AGO2: variants seen among roughly 807,000 people sequenced by gnomAD.
AGO2 encodes protein argonaute-2.
In AGO2, 5 loss-of-function variants were observed where a neutral mutation model predicts 102.3. That is an observed-to-expected ratio of 0.05 (90% CI 0.03 to 0.10). The LOEUF (loss-of-function observed/expected upper bound fraction) is 0.10, where lower values mean the gene tolerates loss of function less well. Ranked by LOEUF, AGO2 falls within the 10% of genes least tolerant of loss-of-function variation. The pLI is 1.00. For missense variants in AGO2, 541 were observed against 1,183.7 expected (o/e 0.46, Z 7.97); for synonymous variants, 449 against 473.1 (o/e 0.95, Z 0.66).
intron 11 of AGO2, among the ~76,000 whole-genome samples, chr8:140,550,190 G>A (rs779100913): frequency 2.0e-5 from 3 of 152,184 alleles, no homozygotes; most frequent in Non-Finnish European, 2.9e-5. Context: ...GCCTCAGAAG[G>A]ACAGATGGCC....
upstream of AGO2, among the ~76,000 whole-genome samples, chr8:140,640,289 C>T (rs899136252): frequency 1.2e-4 from 19 of 152,150 alleles, no homozygotes; most frequent in South Asian, 6.2e-4. Flanking sequence ...GGATTACAGG[C>T]GTGAGCCACC....
At chr8:140,564,108 C>T (rs1200703408) in intron 3 of AGO2, among the ~76,000 whole-genome samples, 2 of 152,226 alleles carry the variant, frequency 1.3e-5, no homozygotes, top group Non-Finnish European at 2.9e-5. Flanking sequence ...GAAAAAGGAT[C>T]GAATCCTTCC....
intron 1 of AGO2, among the ~76,000 whole-genome samples, chr8:140,619,838 G>C (rs1226638730): frequency 6.6e-6 from 1 of 152,192 alleles, no homozygotes. Flanking sequence ...AACCCTGCTG[G>C]GGTGGATGTG....
chr8:140,539,058 G>T lies in AGO2; in HGVS notation c.2169+262C>A, dbSNP rs796915417. Among the ~76,000 whole-genome samples the T allele has an allele frequency of 6.6e-6, 1 of 152,136 alleles. No individual in the cohort carries two copies. Among genetic ancestry groups the T allele is most frequent in the Non-Finnish European group, 1.5e-5 (1 of 68,036 alleles). Reference sequence around the variant, plus strand: ...ATAGAGGCTGCAGTAAGCTATGATCGCACCACTGCACTCTAGCCTGGGTGA... The same window carrying T: ...ATAGAGGCTGCAGTAAGCTATGATCTCACCACTGCACTCTAGCCTGGGTGA... On this transcript the variant is annotated intron_variant, in intron 16 of 18. Coordinates refer to ENST00000220592, the MANE Select transcript of AGO2 (RefSeq NM_012154.5). The surrounding 1 kb of genome is among the most constrained non-coding windows in gnomAD (Gnocchi z 4.7).
At chr8:140,587,418 C>T (rs968427451) in intron 1 of AGO2, among the ~76,000 whole-genome samples, 1 of 152,358 alleles carries the variant, frequency 6.6e-6, no homozygotes, top group Non-Finnish European at 1.5e-5. Flanking sequence ...TCCACCTTCC[C>T]GTACCTTCAG....
Position 140,585,107 on chromosome 8 carries a change from G to A in AGO2, c.215+12C>T, listed in dbSNP as rs1477066232. 6.2e-7 allele frequency: 1 copy of A among 1,611,866 alleles called. No homozygotes were observed. Among genetic ancestry groups the A allele is most frequent in the South Asian group, 1.1e-5 (1 of 90,832 alleles). On this transcript the variant is annotated intron_variant, in intron 2 of 18. Transcript: ENST00000220592. ...ACCACTTACACAGGTCATGAAGGAT[G>A]AAACGTAATACCTGTTAACTCTCCT... is the stretch of plus-strand genomic sequence containing the variant.
Position 140,557,095 on chromosome 8 carries a change from G to A in AGO2, c.1020C>T (p.Pro340=). 1.9e-6 allele frequency: 3 copies of A among 1,612,694 alleles called. No homozygotes were observed. The highest frequency in any genetic ancestry group is 2.5e-6 in the Non-Finnish European group (3 of 1,179,190). The change falls in exon 8 of 19, where the codon CCC becomes CCT. Residue 340 remains proline (P), a synonymous_variant. Transcript: ENST00000220592. The surrounding 1 kb of genome is among the most constrained non-coding windows in gnomAD (Gnocchi z 5.9). Reference sequence around the variant, plus strand: ...CAGGAAGAGGGTGACTTGCCTCCAGGGGAAGGTAGGTGTGTTTCTGCTCCT... The same window carrying A: ...CAGGAAGAGGGTGACTTGCCTCCAGAGGAAGGTAGGTGTGTTTCTGCTCCT... The part of the protein sequence containing the change: ...VGQEQKHTYL[P]LEVCNIVAGQ...
chr8:140,559,301 C>T (rs1013702880), intron 6 of AGO2, 94 bp downstream of exon 6: 21 of 1,496,044 alleles, frequency 1.4e-5, no homozygotes, highest in Middle Eastern at 2.2e-4. Flanking sequence ...TCCCCAAATG[C>T]GCACAAGAAC....
chr8:140,551,521 C>T, intron 10 of AGO2, 85 bp from the exon 11 acceptor site: 1 of 1,353,266 alleles, frequency 7.4e-7, no homozygotes, highest in South Asian at 1.9e-5. Flanking sequence ...CACTGTTGGT[C>T]CCCCTGACCA....
chr8:140,627,504 C>T (rs1011590095), intron 1 of AGO2, among the ~76,000 whole-genome samples: 4 of 152,306 alleles, frequency 2.6e-5, no homozygotes, highest in South Asian at 4.1e-4. Context: ...TCAGAAATGA[C>T]GTGGAAAACA....
chr8:140,580,251 C>G (rs1202018791), intron 2 of AGO2, among the ~76,000 whole-genome samples: 2 of 152,256 alleles, frequency 1.3e-5, no homozygotes, highest in African/African-American at 4.8e-5. Flanking sequence ...GACTATACTG[C>G]AGGGCCTGAG....
At chr8:140,582,464 A>C (rs2073572218) in intron 2 of AGO2, among the ~76,000 whole-genome samples, 1 of 152,212 alleles carries the variant, frequency 6.6e-6, no homozygotes, top group Admixed American at 6.5e-5. Context: ...CCAAAATTCA[A>C]ATAAATAAAT....
chr8:140,589,294 C>G lies in AGO2; in HGVS notation c.23-3983G>C, dbSNP rs2073711955. The stretch of plus-strand genomic sequence containing the variant: ...GGCGGGGAGAGCAGCTGCAGAAATT[C>G]AGAGTCATTAAATAAATGAATAGCC... On this transcript the variant is annotated intron_variant, in intron 1 of 18. Coordinates refer to ENST00000220592, the MANE Select transcript of AGO2 (RefSeq NM_012154.5). This position sits in a 1 kb window ranked among gnomAD's most constrained non-coding sequence, Gnocchi z 4.2. Among the ~76,000 whole-genome samples the G allele has an allele frequency of 6.6e-6, 1 of 152,146 alleles. No homozygotes were observed. The highest frequency in any genetic ancestry group is 2.1e-4 in the South Asian group (1 of 4,826).
chr8:140,547,753 C>T (rs1355531256), intron 12 of AGO2, 126 bp from the exon 13 acceptor site: 6 of 1,316,116 alleles, frequency 4.6e-6, no homozygotes, highest in Non-Finnish European at 6.1e-6. Flanking sequence ...CTGTGCTGAG[C>T]TTTGCGTGTC....
intron 3 of AGO2, among the ~76,000 whole-genome samples, chr8:140,566,572 C>G (rs2073287476): frequency 1.3e-5 from 2 of 151,898 alleles, no homozygotes; most frequent in African/African-American, 4.8e-5. Context: ...GGCAGACATT[C>G]CTGCACTCAC....
chr8:140,623,541 G>A (rs1171167456), intron 1 of AGO2, among the ~76,000 whole-genome samples: 1 of 152,170 alleles, frequency 6.6e-6, no homozygotes, highest in African/African-American at 2.4e-5. Flanking sequence ...GGCTGGACAC[G>A]GGTCACACCT....
intron 13 of AGO2, among the ~76,000 whole-genome samples, chr8:140,544,590 G>A (rs1354940086): frequency 7.1e-6 from 1 of 141,386 alleles, no homozygotes; most frequent in Admixed American, 7.1e-5. Context: ...CCCAGGCCCA[G>A]GAGGGCTCAC....
At chr8:140,598,372 C>T (rs2073880297) in intron 1 of AGO2, among the ~76,000 whole-genome samples, 1 of 152,274 alleles carries the variant, frequency 6.6e-6, no homozygotes, top group African/African-American at 2.4e-5. Context: ...CCAAATGCTG[C>T]TGACATTTCT....
At chr8:140,595,765 T>A (rs1469462240) in intron 1 of AGO2, among the ~76,000 whole-genome samples, 3 of 56,486 alleles carry the variant, frequency 5.3e-5, no homozygotes, top group African/African-American at 1.1e-4. Context: ...GTATATACAA[T>A]TATATTATAT....
Sources: allele counts gnomAD v4.1 joint callset (sites outside exome capture counted in the v4.1 genomes callset), GRCh38; gene constraint gnomAD v4.1.1; non-coding constraint Gnocchi (gnomAD v3.1); transcripts MANE v1.5; gene names NCBI Gene and HGNC (gene_info 2026-07-23, HGNC 2026-07-21).